The following TMEM59 variants were observed in gnomAD, a reference collection of about 807,000 sequenced individuals.
TMEM59 encodes the protein dendritic cell factor 1.
A neutral mutation model predicts 42.2 loss-of-function variants in TMEM59; 44 were observed. The observed-to-expected ratio is 1.04, with a 90% CI of 0.82 to 1.34. TMEM59 has a LOEUF of 1.34. Ranked by LOEUF, TMEM59 falls within the 40% of genes most tolerant of loss-of-function variation. TMEM59 has a pLI of 0.00. For missense variants in TMEM59, 359 were observed against 382.8 expected (o/e 0.94, Z 0.52); for synonymous variants, 148 against 145.8 (o/e 1.02, Z -0.11).
At chr1:54,043,297 T>C (rs1382899848) in intron 4 of TMEM59, 76 bp downstream of exon 4, 8 of 1,247,198 alleles carry the variant, frequency 6.4e-6, no homozygotes, top group Non-Finnish European at 8.4e-6. Flanking sequence ...TATGGTTCTA[T>C]GCTGAAACAC....
upstream of TMEM59, chr1:54,053,410 A>T (rs1011312677): frequency 2.1e-5 from 12 of 577,752 alleles, no homozygotes; most frequent in Admixed American, 3.2e-4. Flanking sequence ...GAATTCAACC[A>T]TCGCAAGCGT....
At chr1:54,048,357 G>C (rs1272778445) in intron 1 of TMEM59, among the ~76,000 whole-genome samples, 2 of 152,276 alleles carry the variant, frequency 1.3e-5, no homozygotes, top group Admixed American at 1.3e-4. Flanking sequence ...AAAAAGGAGA[G>C]AACAGCCATT....
At chr1:54,052,694 C>T (rs1242756466) in intron 1 of TMEM59, among the ~76,000 whole-genome samples, 1 of 152,142 alleles carries the variant, frequency 6.6e-6, no homozygotes, top group Non-Finnish European at 1.5e-5. Context: ...TCATCCATAT[C>T]CTCCCCTATC....
intron 1 of TMEM59, chr1:54,047,881 T>G (rs200099084): frequency 1.3e-5 from 2 of 155,076 alleles, no homozygotes; most frequent in African/African-American, 4.8e-5. Flanking sequence ...GGTGTGAGGA[T>G]TGTTTGAGCC....
intron 6 of TMEM59, among the ~76,000 whole-genome samples, chr1:54,037,270 TC>T (rs1399493878): frequency 1.3e-5 from 2 of 152,268 alleles, no homozygotes; most frequent in African/African-American, 2.4e-5. Context: ...TATAAGGCAT[TC>T]TGTAACCATT....
intron 1 of TMEM59, among the ~76,000 whole-genome samples, chr1:54,050,160 C>G (rs1173608474): frequency 4.6e-5 from 7 of 151,152 alleles, no homozygotes; most frequent in Non-Finnish European, 1.5e-5. Flanking sequence ...CAGTCTTGCT[C>G]TGTCCCCCAG....
rs766590554 is a variant in TMEM59 at position 54,052,982 on chromosome 1, G to A, written c.189+18C>T. The stretch of plus-strand genomic sequence containing the variant: ...GGCTGCAAGGGAAGGGTCGCAGCCC[G>A]CTCCGGACGGGCCCTACCTTAGGGT... On this transcript the variant is annotated intron_variant, in intron 1 of 7. Transcript: ENST00000234831. The A allele has an allele frequency of 2.5e-6, 4 of 1,598,296 alleles. No individual in the cohort carries two copies. The highest frequency in any genetic ancestry group is 1.7e-5 in the Admixed American group (1 of 58,894).
chr1:54,053,367 C>A (rs1193140272), upstream of TMEM59: 2 of 672,762 alleles, frequency 3.0e-6, no homozygotes, highest in East Asian at 5.5e-5. Flanking sequence ...TCTGGGACTA[C>A]GAACTTCTTC....
At chr1:54,049,540 G>T (rs990600951) in intron 1 of TMEM59, among the ~76,000 whole-genome samples, 5 of 152,136 alleles carry the variant, frequency 3.3e-5, no homozygotes, top group African/African-American at 1.2e-4. Flanking sequence ...CAAAAATAAT[G>T]ATTTCAAGTA....
chr1:54,035,018 G>A (rs950224293), intron 7 of TMEM59: 20 of 152,220 alleles, frequency 1.3e-4, no homozygotes, highest in African/African-American at 4.8e-4. Context: ...CTGAGGAGAT[G>A]TTGGTTAAAG....
At chr1:54,043,878 T>C (rs1157109592) in intron 3 of TMEM59, 1 of 152,430 alleles carries the variant, frequency 6.6e-6, no homozygotes, top group African/African-American at 2.4e-5. Flanking sequence ...AATCGTATCA[T>C]TCTCATCTTT....
intron 7 of TMEM59, among the ~76,000 whole-genome samples, chr1:54,035,754 G>A (rs539035145): frequency 2.2e-4 from 34 of 151,944 alleles, no homozygotes; most frequent in African/African-American, 7.5e-4. Context: ...CTGGGATCAC[G>A]GGCACGCACC....
At chr1:54,036,505 C>T in intron 7 of TMEM59, 105 bp downstream of exon 7, 1 of 767,716 alleles carries the variant, frequency 1.3e-6, no homozygotes, top group Non-Finnish European at 2.0e-6. Context: ...CACATCTTCT[C>T]TCTTTCTATT....
rs758597225 is a variant in TMEM59 at position 54,045,724 on chromosome 1, G to A, written c.358C>T (p.Gln120Ter). The change falls in exon 3 of 8, where the codon CAG becomes TAG. Residue 120 changes from glutamine to a stop codon, truncating the protein, a stop_gained. Transcript: ENST00000234831. LOFTEE classifies it high-confidence loss of function. The part of the protein sequence containing the change: ...QYACHLGCQN[Q>*]LPFAELRQEQ... The stretch of plus-strand genomic sequence containing the variant: ...TGTCTCAGTTCAGCGAATGGCAGCT[G>A]ATTCTGGCAACCAAGATGGCAAGCA... The A allele has an allele frequency of 6.8e-6, 11 of 1,614,016 alleles. No homozygotes were observed. Among genetic ancestry groups the A allele is most frequent in the Non-Finnish European group, 9.3e-6 (11 of 1,180,010 alleles).
intron 1 of TMEM59, chr1:54,047,612 C>G: frequency 2.4e-6 from 1 of 413,056 alleles, no homozygotes; most frequent in Non-Finnish European, 4.3e-6. Flanking sequence ...AAACCACCAC[C>G]CTTTTTCCAT....
intron 1 of TMEM59, among the ~76,000 whole-genome samples, chr1:54,049,468 G>C (rs1354296751): frequency 6.6e-6 from 1 of 152,150 alleles, no homozygotes; most frequent in African/African-American, 2.4e-5. Context: ...GTATGGAGCA[G>C]GCACTCAACT....
chr1:54,052,959 C>A, intron 1 of TMEM59, 41 bp downstream of exon 1: 2 of 1,573,598 alleles, frequency 1.3e-6, no homozygotes, highest in Non-Finnish European at 8.6e-7. Flanking sequence ...GAGAAATGGG[C>A]TGCAAGGGAA....
chr1:54,027,050 T>A lies in TMEM59; in HGVS notation c.*5100A>T, dbSNP rs1656622278. The A allele has an allele frequency of 6.6e-6, 1 of 152,254 alleles. No individual in the cohort carries two copies. Among genetic ancestry groups the A allele is most frequent in the African/African-American group, 2.4e-5 (1 of 41,464 alleles). 9.4% of individuals were successfully genotyped at this position (152,254 alleles called of 1,614,324 possible). ...TGGTGAACTTGGATGGGAAAAATTT[T>A]AAATCTTTCTTTTCACCAACTTCTA... On this transcript the variant is annotated 3_prime_UTR_variant, in exon 8 of 8. Coordinates refer to ENST00000234831, the MANE Select transcript of TMEM59 (RefSeq NM_004872.5).
rs1273191688 is a variant in TMEM59 at position 54,050,017 on chromosome 1, G to C, written c.190-2645C>G. On this transcript the variant is annotated intron_variant, in intron 1 of 7. Coordinates refer to ENST00000234831, the MANE Select transcript of TMEM59 (RefSeq NM_004872.5). ...TTCGACCGAGATAAATTATGCAATT[G>C]CACTTCTGTAGATAAAACATAGAAT... Among the ~76,000 whole-genome samples the C allele has an allele frequency of 2.0e-5, 3 of 151,828 alleles. No homozygotes were observed. In the East Asian group the frequency reaches 5.8e-4, roughly 29 times the overall value.
Sources: allele counts gnomAD v4.1 joint callset (sites outside exome capture counted in the v4.1 genomes callset), GRCh38; gene constraint gnomAD v4.1.1; transcripts MANE v1.5; gene names NCBI Gene and HGNC (gene_info 2026-07-23, HGNC 2026-07-21).